Variants in C13orf46 observed in about 807,000 individuals in gnomAD.
C13orf46 encodes chromosome 13 open reading frame 46.
At chr13:113,965,749 ATGATGGTGATGG>A (rs1180359069) in intron 5 of C13orf46, among the ~76,000 whole-genome samples, 921 of 78,298 alleles carry the variant, frequency 0.012, 15 homozygotes, top group African/African-American at 0.061. Context: ...GATGATGGTG[ATGATGGTGATGG>A]TGATGATGGT....
the C13orf46 span, chr13:113,927,382 C>T: frequency 8.4e-3 from 3,297 of 394,780 alleles, 83 homozygotes; most frequent in African/African-American, 0.059. Context: ...CTGCTCTGGA[C>T]GGCCAATCCA....
downstream of C13orf46, among the ~76,000 whole-genome samples, chr13:113,951,107 C>G (rs1034259522): frequency 2.0e-5 from 3 of 152,198 alleles, no homozygotes; most frequent in African/African-American, 7.2e-5. Context: ...GCGTGTGGTC[C>G]TGGTGTGGGG....
At chr13:113,969,099 G>A (rs1048241768) in intron 2 of C13orf46, among the ~76,000 whole-genome samples, 71 of 152,100 alleles carry the variant, frequency 4.7e-4, no homozygotes, top group Admixed American at 3.1e-3. Flanking sequence ...CCACCCTGTC[G>A]CAGATCCACA....
the C13orf46 span, among the ~76,000 whole-genome samples, chr13:113,933,622 C>G: frequency 6.6e-6 from 1 of 152,136 alleles, no homozygotes; most frequent in East Asian, 1.9e-4. Flanking sequence ...CATGCTATGG[C>G]TCCATTTATT....
chr13:113,937,040 C>T, the C13orf46 span, among the ~76,000 whole-genome samples: 3 of 152,030 alleles, frequency 2.0e-5, no homozygotes, highest in African/African-American at 7.3e-5. Flanking sequence ...TTGAGTTTTG[C>T]GGAAGGGTTA....
At chr13:113,947,355 A>T in the C13orf46 span, among the ~76,000 whole-genome samples, 9 of 152,160 alleles carry the variant, frequency 5.9e-5, no homozygotes, top group African/African-American at 9.7e-5. Flanking sequence ...CAAAGGGCCC[A>T]AAAGACCCAG....
At position 113,955,145 on chromosome 13, in the gene C13orf46, G is replaced by T; in HGVS notation, c.*1628C>A. The T allele has an allele frequency of 4.3e-6, 1 of 231,422 alleles. No homozygotes were observed. The allele number at this position is 231,422 out of a possible 1,614,324, so 14.3% of individuals were successfully genotyped here. A position where few individuals can be genotyped will look rare whatever the true frequency, so the allele number is the denominator to read the frequency against. On this transcript the variant is annotated 3_prime_UTR_variant, in exon 7 of 7. Transcript: ENST00000636427. ...TGGTGGAGACGAGGAGCATCCGGTG[G>T]AGATGAGGAGCATCTCGAGGAGAGG...
At position 113,956,205 on chromosome 13, in the gene C13orf46, A is replaced by C. The variant is rs1382915976; in HGVS notation, c.*568T>G. Reference sequence around the variant, plus strand: ...GGAGCATCCGGTGGAGACGAGGAGCACCCGGTGGAGACGAGGAGCATCTCG... The same window carrying C: ...GGAGCATCCGGTGGAGACGAGGAGCCCCCGGTGGAGACGAGGAGCATCTCG... On this transcript the variant is annotated 3_prime_UTR_variant, in exon 7 of 7. Transcript: ENST00000636427. The C allele has an allele frequency of 6.5e-6, 1 of 154,612 alleles. No homozygotes were observed. The highest frequency in any genetic ancestry group is 1.4e-5 in the Non-Finnish European group (1 of 70,690). The allele number at this position is 154,612 out of a possible 1,614,324, so 9.6% of individuals were successfully genotyped here.
downstream of C13orf46, among the ~76,000 whole-genome samples, chr13:113,950,634 G>A (rs914186058): frequency 3.9e-3 from 599 of 152,336 alleles, 9 homozygotes; most frequent in East Asian, 0.048. Flanking sequence ...ATTGCAACAC[G>A]GAGAGTTGAC....
At chr13:113,952,923 A>G (rs2138966282), downstream of C13orf46, among the ~76,000 whole-genome samples, 1 of 152,326 alleles carries the variant, frequency 6.6e-6, no homozygotes, top group East Asian at 1.9e-4. Context: ...AGCAGCATCA[A>G]CCACGTGGCA....
At chr13:113,934,935 G>T in the C13orf46 span, among the ~76,000 whole-genome samples, 1 of 152,244 alleles carries the variant, frequency 6.6e-6, no homozygotes, top group Non-Finnish European at 1.5e-5. Context: ...TGCACCCGGA[G>T]TGAGGACGAG....
At chr13:113,963,816 G>A (rs1318413451) in intron 6 of C13orf46, among the ~76,000 whole-genome samples, 1 of 152,190 alleles carries the variant, frequency 6.6e-6, no homozygotes, top group Non-Finnish European at 1.5e-5. Context: ...CATAATTCCC[G>A]TTATTGTAAA....
chr13:113,971,734 G>GCATGT (rs1295859329), intron 1 of C13orf46, among the ~76,000 whole-genome samples: 3 of 152,236 alleles, frequency 2.0e-5, no homozygotes, highest in Non-Finnish European at 4.4e-5. Flanking sequence ...GTGGCACTGG[G>GCATGT]CATGTCATGG....
At chr13:113,936,310 C>T in the C13orf46 span, among the ~76,000 whole-genome samples, 13 of 152,188 alleles carry the variant, frequency 8.5e-5, no homozygotes, top group African/African-American at 2.7e-4. Context: ...GGGAAGGGGC[C>T]GTCCTTGCGC....
intron 6 of C13orf46, among the ~76,000 whole-genome samples, chr13:113,962,554 G>A (rs1363930093): frequency 1.3e-5 from 2 of 152,206 alleles, no homozygotes; most frequent in African/African-American, 4.8e-5. Flanking sequence ...AATCAGCATT[G>A]GGTCTTGTAA....
chr13:113,952,319 G>A (rs1432305805), downstream of C13orf46, among the ~76,000 whole-genome samples: 1 of 108,220 alleles, frequency 9.2e-6, no homozygotes, highest in Admixed American at 9.0e-5. Flanking sequence ...CCACCCCTCC[G>A]CCTGCCCAGG....
downstream of C13orf46, among the ~76,000 whole-genome samples, chr13:113,948,710 C>A (rs1178461998): frequency 1.3e-5 from 2 of 152,188 alleles, no homozygotes; most frequent in African/African-American, 4.8e-5. Context: ...TCCAACAGAC[C>A]CCTTTGAATC....
At chr13:113,953,411 GC>G (rs1389645053), downstream of C13orf46, among the ~76,000 whole-genome samples, 1 of 152,132 alleles carries the variant, frequency 6.6e-6, no homozygotes, top group Non-Finnish European at 1.5e-5. Flanking sequence ...CCAGGAGTCA[GC>G]CCTTCCCACC....
At chr13:113,945,440 G>A in the C13orf46 span, among the ~76,000 whole-genome samples, 1 of 151,912 alleles carries the variant, frequency 6.6e-6, no homozygotes, top group Non-Finnish European at 1.5e-5. Context: ...AGCTACTCAG[G>A]AGGCTGAGGC....
Sources: gnomAD v4.1 joint callset for allele counts (sites outside exome capture counted in the v4.1 genomes callset) on GRCh38, gnomAD v4.1.1 for gene constraint, MANE v1.5 for transcripts, NCBI Gene and HGNC (gene_info 2026-07-23, HGNC 2026-07-21) for gene names.